Variants in BCL2 observed in about 807,000 individuals in gnomAD.
The protein encoded by BCL2 is BCL2 apoptosis regulator.
In BCL2, 1 loss-of-function variant was observed where a neutral mutation model predicts 14.2. The ratio of observed to expected loss-of-function variants is 0.07; its 90% CI spans 0.02 to 0.33. The LOEUF (loss-of-function observed/expected upper bound fraction) is 0.33, where lower values mean the gene tolerates loss of function less well. BCL2 is among the 10% of genes least tolerant of loss of function. The pLI, the probability that BCL2 is intolerant of heterozygous loss-of-function variation, is 0.99. For missense variants in BCL2, 247 were observed against 305.9 expected (o/e 0.81, Z 1.44); for synonymous variants, 151 against 137.2 (o/e 1.10, Z -0.70).
intron 2 of BCL2, among the ~76,000 whole-genome samples, chr18:63,193,610 G>A (rs577458593): frequency 0.015 from 2,162 of 142,702 alleles, 52 homozygotes; most frequent in African/African-American, 0.055. Context: ...GTGTGTGTGT[G>A]TATACACACA....
intron 2 of BCL2, among the ~76,000 whole-genome samples, chr18:63,236,064 C>T (rs1910821677): frequency 6.6e-6 from 1 of 151,988 alleles, no homozygotes; most frequent in Admixed American, 6.6e-5. Flanking sequence ...GTGGGTTTTT[C>T]CCAAGTTCTC....
At chr18:63,303,213 A>G (rs1913018708) in intron 2 of BCL2, among the ~76,000 whole-genome samples, 1 of 152,228 alleles carries the variant, frequency 6.6e-6, no homozygotes, top group Non-Finnish European at 1.5e-5. Flanking sequence ...GGAACCAGGA[A>G]GGCACTGTGG....
At chr18:63,163,240 C>A (rs1251554040) in intron 2 of BCL2, among the ~76,000 whole-genome samples, 4 of 152,186 alleles carry the variant, frequency 2.6e-5, no homozygotes, top group Non-Finnish European at 5.9e-5. Context: ...CAGCTCATCC[C>A]ACCTGAAAAT....
chr18:63,242,800 G>A (rs921388795), intron 2 of BCL2, among the ~76,000 whole-genome samples: 1 of 152,178 alleles, frequency 6.6e-6, no homozygotes. Context: ...ATGTGGCAAT[G>A]CACATAGGAA....
At chr18:63,187,933 T>C (rs1305493023) in intron 2 of BCL2, among the ~76,000 whole-genome samples, 4 of 152,248 alleles carry the variant, frequency 2.6e-5, no homozygotes, top group Admixed American at 2.0e-4. Flanking sequence ...CTCTGAAAGC[T>C]GGAGCAGTCT....
At chr18:63,280,345 T>C (rs961732945) in intron 2 of BCL2, among the ~76,000 whole-genome samples, 1 of 152,198 alleles carries the variant, frequency 6.6e-6, no homozygotes, top group Non-Finnish European at 1.5e-5. Context: ...GGTTGTAAAA[T>C]GAATTAAGAT....
intron 2 of BCL2, among the ~76,000 whole-genome samples, chr18:63,292,496 C>G (rs1410402347): frequency 6.6e-6 from 1 of 152,168 alleles, no homozygotes; most frequent in Non-Finnish European, 1.5e-5. Context: ...ATACAGCGCA[C>G]TCACACGTAC....
chr18:63,131,337 ATTG>A (rs141091302), intron 2 of BCL2, among the ~76,000 whole-genome samples: 1,540 of 152,258 alleles, frequency 0.01, 25 homozygotes, highest in African/African-American at 0.035. Flanking sequence ...TTAAATATCT[ATTG>A]TTAAACATTT....
In BCL2 at chr18:63,284,073, C is replaced by T. The variant is rs149153538; in HGVS notation, c.585+34009G>A. On this transcript the variant is annotated intron_variant, in intron 2 of 2. Coordinates refer to ENST00000333681, the MANE Select transcript of BCL2 (RefSeq NM_000633.3). ...CAGGGTACCAGTGTGTCCCTGAGCGCGCTGACGAATGGATATGGTGCTGGC... is the reference window on the plus strand; with the variant it reads ...CAGGGTACCAGTGTGTCCCTGAGCGTGCTGACGAATGGATATGGTGCTGGC... Among the ~76,000 whole-genome samples, 223 of 152,268 alleles carry T rather than the reference C, an allele frequency of 1.5e-3. 1 individual carries two copies. The highest frequency in any genetic ancestry group is 5.1e-3 in the African/African-American group (211 of 41,544).
chr18:63,189,780 T>A (rs1216864087), intron 2 of BCL2, among the ~76,000 whole-genome samples: 1 of 146,556 alleles, frequency 6.8e-6, no homozygotes, highest in South Asian at 2.1e-4. Flanking sequence ...AAATCCCTAT[T>A]AACAGCCGTT....
At chr18:63,220,307 T>C (rs949224718) in intron 2 of BCL2, among the ~76,000 whole-genome samples, 1 of 152,206 alleles carries the variant, frequency 6.6e-6, no homozygotes, top group Non-Finnish European at 1.5e-5. Flanking sequence ...TCCCAATTTA[T>C]ACCTGTTGTC....
chr18:63,200,691 A>G (rs72943065), intron 2 of BCL2, among the ~76,000 whole-genome samples: 1,685 of 152,302 alleles, frequency 0.011, 14 homozygotes, highest in Non-Finnish European at 0.016. Context: ...GCAATGGTGC[A>G]ACATAGCTCA....
rs1046728139 is a variant in BCL2 at position 63,127,157 on chromosome 18, C to T, written c.*1468G>A. ...ACAAGATAATGTTTTACATGTAATT[C>T]CATAGACAGGGGTCAATTAATCCAT... On this transcript the variant is annotated 3_prime_UTR_variant, in exon 3 of 3. Transcript: ENST00000333681. 4 of 229,092 alleles carry T rather than the reference C, an allele frequency of 1.7e-5. No individual in the cohort carries two copies. The highest frequency in any genetic ancestry group is 3.5e-5 in the Non-Finnish European group (4 of 115,606). 14.2% of individuals were successfully genotyped at this position (229,092 alleles called of 1,614,324 possible).
intron 2 of BCL2, among the ~76,000 whole-genome samples, chr18:63,181,782 T>C (rs981553197): frequency 3.2e-4 from 48 of 152,170 alleles, no homozygotes; most frequent in Admixed American, 9.8e-4. Context: ...TAAGAGACAT[T>C]CCAGTGAACT....
intron 2 of BCL2, among the ~76,000 whole-genome samples, chr18:63,231,740 T>G (rs945885462): frequency 2.6e-5 from 4 of 152,056 alleles, no homozygotes; most frequent in Non-Finnish European, 5.9e-5. Flanking sequence ...GTGAGAAGAT[T>G]CCACAATTTC....
intron 2 of BCL2, among the ~76,000 whole-genome samples, chr18:63,151,719 G>A (rs1348054280): frequency 2.0e-5 from 3 of 152,160 alleles, no homozygotes; most frequent in African/African-American, 4.8e-5. Flanking sequence ...GCTAGTTTCC[G>A]TGGCAGCCTA....
In BCL2 at chr18:63,318,469, G is replaced by T. The variant is rs1913577191; in HGVS notation, c.198C>A (p.Val66=). 6.8e-7 allele frequency: 1 copy of T among 1,476,340 alleles called. No individual in the cohort carries two copies. Among genetic ancestry groups the T allele is most frequent in the African/African-American group, 1.5e-5 (1 of 68,176 alleles). The allele number at this position is 1,476,340 out of a possible 1,614,324, so 91.5% of individuals were successfully genotyped here. The stretch of plus-strand genomic sequence containing the variant: ...GGGTCTGCAGCGGCGAGGTCCTGGC[G>T]ACCGGGTCCCGGGATGCGGCTGGAT... ...TPHPAASRDP[V]ARTSPLQTPA... The change falls in exon 2 of 3, where the codon GTC becomes GTA. Residue 66 remains valine, a synonymous_variant. Coordinates refer to ENST00000333681, the MANE Select transcript of BCL2 (RefSeq NM_000633.3). The surrounding 1 kb of genome is among the most constrained non-coding windows in gnomAD (Gnocchi z 7.4).
At chr18:63,312,301 C>T (rs35593106) in intron 2 of BCL2, among the ~76,000 whole-genome samples, 3 of 152,024 alleles carry the variant, frequency 2.0e-5, no homozygotes, top group Non-Finnish European at 2.9e-5. Context: ...GGGGTGGTGG[C>T]ACCTATGAGA....
chr18:63,306,066 C>A (rs1913122644), intron 2 of BCL2, among the ~76,000 whole-genome samples: 1 of 152,104 alleles, frequency 6.6e-6, no homozygotes, highest in Admixed American at 6.6e-5. Context: ...CAGAGCAAGA[C>A]CTTATCTCCA....
Sources: allele counts gnomAD v4.1 joint callset (sites outside exome capture counted in the v4.1 genomes callset), GRCh38; gene constraint gnomAD v4.1.1; non-coding constraint Gnocchi (gnomAD v3.1); transcripts MANE v1.5; gene names NCBI Gene and HGNC (gene_info 2026-07-23, HGNC 2026-07-21).